Variants in HDLBP observed in about 807,000 individuals in gnomAD.
HDLBP encodes vigilin.
Under a neutral mutation model 137.3 loss-of-function variants are expected in HDLBP, and 30 were observed. That is an observed-to-expected ratio of 0.22 (90% CI 0.16 to 0.30). The LOEUF (loss-of-function observed/expected upper bound fraction) is 0.30. Among genes scored for constraint, HDLBP ranks in the 10% least tolerant of loss-of-function variants. HDLBP has a pLI of 1.00. For missense variants in HDLBP, 1,119 were observed against 1,667.3 expected, an observed-to-expected ratio of 0.67 and a Z score of 5.73; for synonymous variants, 606 against 596.0, an observed-to-expected ratio of 1.02 and a Z score of -0.24.
chr2:241,237,910 A>C (rs1188382189), intron 20 of HDLBP, among the ~76,000 whole-genome samples: 1 of 152,234 alleles, frequency 6.6e-6, no homozygotes, highest in Non-Finnish European at 1.5e-5. Context: ...CAGGAAAACA[A>C]AGGGGCTTGA....
chr2:241,260,859 C>G (rs1446059810), intron 5 of HDLBP, among the ~76,000 whole-genome samples: 1 of 152,078 alleles, frequency 6.6e-6, no homozygotes, highest in African/African-American at 2.4e-5. Flanking sequence ...ATAGCAGAAC[C>G]AAAAACCTAC....
At chr2:241,241,155 A>G (rs574222414) in intron 17 of HDLBP, among the ~76,000 whole-genome samples, 93 of 152,322 alleles carry the variant, frequency 6.1e-4, no homozygotes, top group Non-Finnish European at 2.1e-4. Context: ...GGTTAAACAC[A>G]AAGACAAAAA....
Position 241,252,964 on chromosome 2 carries a change from A to G in HDLBP, c.1365T>C (p.Gly455=), listed in dbSNP as rs570249172. 1.8e-5 allele frequency: 29 copies of G among 1,606,006 alleles called. No individual in the cohort carries two copies. The Admixed American group carries it at 4.7e-4, about 26-fold the overall frequency. The change falls in exon 11 of 28, where the codon GGT becomes GGC. Residue 455 remains glycine (G), a synonymous_variant. Transcript: ENST00000310931. ...ACAGACAGCCTCACTCACTGTTGGC[A>G]CCGCTCTTCCCAATGAGGTGCCTGT... ...KFHRHLIGKS[G]ANINRIKDQY...
intron 16 of HDLBP, 60 bp from the exon 17 acceptor site, chr2:241,242,738 G>A: frequency 5.1e-6 from 7 of 1,378,674 alleles, no homozygotes; most frequent in South Asian, 1.2e-5. Flanking sequence ...AAGGGCAGAG[G>A]AAAAGATAAA....
intron 11 of HDLBP, 82 bp from the exon 12 acceptor site, chr2:241,250,062 A>C: frequency 1.5e-6 from 2 of 1,349,718 alleles, no homozygotes; most frequent in Non-Finnish European, 2.0e-6. Flanking sequence ...GACAGCGCTA[A>C]AGCGCTAAAT....
chr2:241,312,619 A>G (rs1004405290), intron 1 of HDLBP, among the ~76,000 whole-genome samples: 6 of 152,222 alleles, frequency 3.9e-5, no homozygotes, highest in South Asian at 2.1e-4. Flanking sequence ...GGAAAGCCGC[A>G]TGATATGCTT....
intron 16 of HDLBP, among the ~76,000 whole-genome samples, chr2:241,244,880 G>A (rs1012080532): frequency 1.3e-5 from 2 of 152,186 alleles, no homozygotes; most frequent in African/African-American, 2.4e-5. Context: ...ACATCATGGT[G>A]GCTGAGCACG....
At chr2:241,291,929 C>T (rs1559548425) in intron 1 of HDLBP, among the ~76,000 whole-genome samples, 1 of 152,142 alleles carries the variant, frequency 6.6e-6, no homozygotes, top group Non-Finnish European at 1.5e-5. Flanking sequence ...TGATGGCACC[C>T]AGATACCCAG....
intron 14 of HDLBP, 42 bp from the exon 15 acceptor site, chr2:241,247,184 G>C: frequency 7.7e-7 from 1 of 1,291,790 alleles, no homozygotes; most frequent in Non-Finnish European, 1.1e-6. Flanking sequence ...ACCTGTGCTA[G>C]AGAGTAAAAT....
At chr2:241,297,649 C>CA (rs2075230063) in intron 1 of HDLBP, among the ~76,000 whole-genome samples, 2 of 152,180 alleles carry the variant, frequency 1.3e-5, no homozygotes, top group East Asian at 3.9e-4. Context: ...AAAAGGGAAG[C>CA]AGGCCTTCTT....
intron 1 of HDLBP, among the ~76,000 whole-genome samples, chr2:241,313,203 A>G (rs2075804477): frequency 6.6e-6 from 1 of 152,184 alleles, no homozygotes; most frequent in African/African-American, 2.4e-5. Context: ...TCACACCATA[A>G]TGTAATTACT....
intron 4 of HDLBP, among the ~76,000 whole-genome samples, chr2:241,263,802 G>C (rs1218932372): frequency 6.6e-6 from 1 of 152,142 alleles, no homozygotes; most frequent in Non-Finnish European, 1.5e-5. Context: ...GCAGGATAAT[G>C]AATAGAGAAC....
chr2:241,253,375 T>A lies in HDLBP; in HGVS notation c.1293+18A>T. ...TCCCTTGTCACCAGCACACACAACA[T>A]TCCAAGGGGTACCTTACCAAATCTT... On this transcript the variant is annotated intron_variant, in intron 10 of 27. Transcript: ENST00000310931. The A allele has an allele frequency of 1.3e-6, 2 of 1,539,130 alleles. No individual in the cohort carries two copies. Among genetic ancestry groups the A allele is most frequent in the Non-Finnish European group, 1.8e-6 (2 of 1,111,184 alleles).
chr2:241,239,671 G>C lies in HDLBP; in HGVS notation c.2541C>G (p.Val847=). Residue 847 remains valine, a synonymous_variant, in exon 19 of 28, where the codon GTC becomes GTG. Coordinates refer to ENST00000310931, the MANE Select transcript of HDLBP (RefSeq NM_005336.6). This position sits in a 1 kb window ranked among gnomAD's most constrained non-coding sequence, Gnocchi z 4.6. ...FPRSGTQSDK[V]TLKGAKDCVE... ...CACAGTCCTTGGCGCCCTTGAGGGTGACTTTGTCGCTCTGTGTGCCAGAGC... is the reference window on the plus strand; with the variant it reads ...CACAGTCCTTGGCGCCCTTGAGGGTCACTTTGTCGCTCTGTGTGCCAGAGC... The C allele has an allele frequency of 6.2e-7, 1 of 1,614,224 alleles. No individual in the cohort carries two copies.
At chr2:241,271,398 C>G (rs2074026065) in intron 1 of HDLBP, among the ~76,000 whole-genome samples, 1 of 152,222 alleles carries the variant, frequency 6.6e-6, no homozygotes, top group South Asian at 2.1e-4. Flanking sequence ...ACCAAGACCC[C>G]TTTCCGCCCT....
intron 16 of HDLBP, among the ~76,000 whole-genome samples, chr2:241,243,961 C>T (rs894111568): frequency 6.6e-6 from 1 of 151,716 alleles, no homozygotes; most frequent in Admixed American, 6.6e-5. Context: ...TAGAATCAGC[C>T]AGCCAAGGAC....
At position 241,236,906 on chromosome 2, in the gene HDLBP, G is replaced by GAGGTC. The variant is rs1478730159; in HGVS notation, c.2750-142_2750-138dup. ...AGGGAAAACCACTCCTGTCCTTCAG[G>GAGGTC]AGGTCTTGGTCTGGTCAGGGAGAGC... is the stretch of plus-strand genomic sequence containing the variant. On this transcript the variant is annotated intron_variant, in intron 20 of 27. Coordinates refer to ENST00000310931, the MANE Select transcript of HDLBP (RefSeq NM_005336.6). The GAGGTC allele has an allele frequency of 1.6e-5, 13 of 798,844 alleles. No individual in the cohort carries two copies. In the Admixed American group the frequency reaches 2.1e-4, roughly 13 times the overall value. The allele number at this position is 798,844 out of a possible 1,614,324, so 49.5% of individuals were successfully genotyped here. A position where few individuals can be genotyped will look rare whatever the true frequency, so the allele number is the denominator to read the frequency against.
At chr2:241,252,811 G>A in intron 11 of HDLBP, 146 bp downstream of exon 11, 1 of 564,514 alleles carries the variant, frequency 1.8e-6, no homozygotes, top group Admixed American at 2.6e-5. Context: ...TCTTCCAGCA[G>A]GCAGGAGGAT....
At position 241,253,473 on chromosome 2, in the gene HDLBP, C is replaced by T. The variant is rs2072364914; in HGVS notation, c.1213G>A (p.Glu405Lys). Residue 405 changes from glutamate (E) to lysine (K), a missense_variant, in exon 10 of 28, where the codon GAA becomes AAA. Glu to Lys is a moderately conservative substitution (Grantham distance 56). This residue lies in a region of HDLBP where 425 missense variants were observed against 693.9 expected (regional missense o/e 0.61). Coordinates refer to ENST00000310931, the MANE Select transcript of HDLBP (RefSeq NM_005336.6). ...GGGCCCTCCAGGGTGATCTTGTCTT[C>T]GCCCTCTGTGAACTCGATGTGAACC... ...PKVHIEFTEG[E>K]DKITLEGPTE... 3 of 1,613,488 alleles carry T rather than the reference C, an allele frequency of 1.9e-6. No homozygotes were observed. The highest frequency in any genetic ancestry group is 1.7e-5 in the Admixed American group (1 of 60,026).
Sources: allele counts gnomAD v4.1 joint callset (sites outside exome capture counted in the v4.1 genomes callset), GRCh38; gene constraint gnomAD v4.1.1; regional missense constraint gnomAD v4.1.1; non-coding constraint Gnocchi (gnomAD v3.1); transcripts MANE v1.5; gene names NCBI Gene and HGNC (gene_info 2026-07-23, HGNC 2026-07-21).